Variants in RBFOX1 observed in about 807,000 individuals in gnomAD.
RBFOX1 encodes the protein RNA binding fox-1 homolog 1, also known as RNA binding protein fox-1 homolog 1.
In RBFOX1, 8 loss-of-function variants were observed where a neutral mutation model predicts 57.7. That is an observed-to-expected ratio of 0.14 (90% confidence interval 0.08 to 0.25). The LOEUF is 0.25. RBFOX1 is among the 10% of genes least tolerant of loss of function. The probability of loss-of-function intolerance (pLI) is 1.00; values close to 1 mark genes in which losing one functional copy is unlikely to be tolerated. For synonymous variants in RBFOX1, 326 were observed against 222.4 expected (o/e 1.47, Z -4.15); for missense variants, 611 against 548.5 (o/e 1.11, Z -1.14).
intron 4 of RBFOX1, among the ~76,000 whole-genome samples, chr16:7,098,271 G>C (rs559396712): frequency 6.6e-6 from 1 of 152,282 alleles, no homozygotes; most frequent in South Asian, 2.1e-4. Flanking sequence ...CCTGGTTCAA[G>C]CCATTCTCCT....
chr16:7,425,724 G>C (rs941182989), intron 4 of RBFOX1, among the ~76,000 whole-genome samples: 2 of 152,136 alleles, frequency 1.3e-5, no homozygotes, highest in Non-Finnish European at 2.9e-5. Context: ...ATTCTAGGGG[G>C]GATAGAGACC....
intron 3 of RBFOX1, among the ~76,000 whole-genome samples, chr16:6,837,340 C>G (rs2093173086): frequency 6.6e-6 from 1 of 152,184 alleles, no homozygotes; most frequent in African/African-American, 2.4e-5. Flanking sequence ...CTGGCTGACT[C>G]TGATAAGGAA....
intron 3 of RBFOX1, among the ~76,000 whole-genome samples, chr16:5,748,808 T>A (rs2053082286): frequency 1.3e-5 from 2 of 152,192 alleles, no homozygotes; most frequent in Admixed American, 6.5e-5. Flanking sequence ...CACTGATGGG[T>A]CTTGACTCTT....
intron 2 of RBFOX1, among the ~76,000 whole-genome samples, chr16:6,628,695 A>G (rs2098342311): frequency 1.3e-5 from 2 of 152,198 alleles, no homozygotes; most frequent in Admixed American, 6.5e-5. Flanking sequence ...ATACTGAAAT[A>G]TACAAACCTT....
At chr16:6,078,475 T>C (rs765933274) in intron 1 of RBFOX1, among the ~76,000 whole-genome samples, 6 of 152,102 alleles carry the variant, frequency 3.9e-5, no homozygotes, top group Non-Finnish European at 8.8e-5. Context: ...CTGAGACACT[T>C]CTTCTTCCGC....
intron 2 of RBFOX1, among the ~76,000 whole-genome samples, chr16:5,551,843 A>G (rs1388609421): frequency 7.9e-6 from 1 of 127,010 alleles, no homozygotes. Flanking sequence ...CCCTGTGTCC[A>G]TGTGTTCTCG....
intron 1 of RBFOX1, among the ~76,000 whole-genome samples, chr16:5,359,767 G>T (rs2065491674): frequency 6.6e-6 from 1 of 151,998 alleles, no homozygotes; most frequent in Non-Finnish European, 1.5e-5. Flanking sequence ...TTTTGCTTTG[G>T]TTGCCTTTCA....
At chr16:5,564,451 C>G (rs1344274708) in intron 2 of RBFOX1, among the ~76,000 whole-genome samples, 1 of 152,158 alleles carries the variant, frequency 6.6e-6, no homozygotes, top group Non-Finnish European at 1.5e-5. Context: ...TTATCTCTTT[C>G]TCTCCCATTC....
intron 3 of RBFOX1, among the ~76,000 whole-genome samples, chr16:5,681,389 CTTTTTTTTT>C (rs1003773008): frequency 7.9e-6 from 1 of 126,526 alleles, no homozygotes; most frequent in African/African-American, 2.9e-5. Flanking sequence ...CAGCTTTTTT[CTTTTTTTTT>C]TTTTTTTGAG....
chr16:6,279,057 A>G (rs2076118461), intron 1 of RBFOX1, among the ~76,000 whole-genome samples: 1 of 152,150 alleles, frequency 6.6e-6, no homozygotes, highest in Admixed American at 6.5e-5. Flanking sequence ...GTGGTGATAA[A>G]TCATTGCAGG....
intron 3 of RBFOX1, among the ~76,000 whole-genome samples, chr16:5,717,923 C>G (rs532022978): frequency 3.3e-5 from 5 of 152,274 alleles, no homozygotes; most frequent in South Asian, 2.1e-4. Flanking sequence ...GTACAGATAT[C>G]TCTTTCTGTG....
intron 3 of RBFOX1, among the ~76,000 whole-genome samples, chr16:6,716,941 T>G (rs1421492070): frequency 6.6e-6 from 1 of 152,208 alleles, no homozygotes; most frequent in African/African-American, 2.4e-5. Context: ...GGAAGGCCAT[T>G]ATATCACTAG....
At chr16:6,793,188 G>C (rs2083305310) in intron 3 of RBFOX1, among the ~76,000 whole-genome samples, 1 of 152,134 alleles carries the variant, frequency 6.6e-6, no homozygotes, top group South Asian at 2.1e-4. Flanking sequence ...TGATCCTGTT[G>C]ATCAAACAGT....
intron 3 of RBFOX1, among the ~76,000 whole-genome samples, chr16:5,793,873 G>T (rs1463794869): frequency 6.6e-6 from 1 of 152,242 alleles, no homozygotes; most frequent in African/African-American, 2.4e-5. Context: ...CTGGAATCCA[G>T]CACGTTCTCC....
chr16:6,752,817 A>G (rs542722528), intron 3 of RBFOX1, among the ~76,000 whole-genome samples: 14 of 147,022 alleles, frequency 9.5e-5, no homozygotes, highest in Admixed American at 2.7e-4. Context: ...TCCTACTCCT[A>G]TTTTTTTTTT....
intron 2 of RBFOX1, among the ~76,000 whole-genome samples, chr16:6,377,174 T>A (rs1359719436): frequency 1.3e-5 from 2 of 150,110 alleles, no homozygotes; most frequent in Non-Finnish European, 2.9e-5. Context: ...ACTTGGAGGC[T>A]GAGGTTAGAG....
chr16:7,165,697 G>C (rs1287689242), intron 4 of RBFOX1, among the ~76,000 whole-genome samples: 1 of 151,796 alleles, frequency 6.6e-6, no homozygotes, highest in Non-Finnish European at 1.5e-5. Flanking sequence ...CCAAAGTGTT[G>C]GGATTACAAG....
Position 6,626,368 on chromosome 16 carries a change from G to T in RBFOX1, c.-63-28235G>T, listed in dbSNP as rs116471093. Among the ~76,000 whole-genome samples, 238 of 152,202 alleles carry T rather than the reference G, an allele frequency of 1.6e-3. 1 individual carries two copies. The highest frequency in any genetic ancestry group is 5.6e-3 in the African/African-American group (231 of 41,530). The stretch of plus-strand genomic sequence containing the variant: ...GAGGAGTGGGTGTTGCAGGACCTGG[G>T]AGCTGAGGCTCGGGAGGGCTGATTC... On this transcript the variant is annotated intron_variant, in intron 2 of 15. Transcript: ENST00000550418.
At chr16:6,451,658 G>A (rs974834479) in intron 2 of RBFOX1, among the ~76,000 whole-genome samples, 1 of 152,166 alleles carries the variant, frequency 6.6e-6, no homozygotes, top group African/African-American at 2.4e-5. Context: ...GCTATCACCA[G>A]CCTTAGAAGC....
Sources: allele counts gnomAD v4.1 joint callset (sites outside exome capture counted in the v4.1 genomes callset), GRCh38; gene constraint gnomAD v4.1.1; transcripts MANE v1.5; gene names NCBI Gene and HGNC (gene_info 2026-07-23, HGNC 2026-07-21).